The following DIDO1 variants were observed in gnomAD, a reference collection of about 807,000 sequenced individuals.
DIDO1 encodes death inducer-obliterator 1, also known as death-inducer obliterator 1.
In DIDO1, 16 loss-of-function variants were observed where a neutral mutation model predicts 99.4. The ratio of observed to expected loss-of-function variants is 0.16; its 90% CI spans 0.11 to 0.24. The LOEUF (loss-of-function observed/expected upper bound fraction) is 0.24. DIDO1 is among the 10% of genes least tolerant of loss of function. DIDO1 has a pLI of 1.00. For synonymous variants in DIDO1, 1,366 were observed against 1,239.1 expected (o/e 1.10, Z -2.15); for missense variants, 2,996 against 3,014.0 (o/e 0.99, Z 0.14).
chr20:62,906,490 C>A (rs2064807867), intron 5 of DIDO1, among the ~76,000 whole-genome samples: 1 of 152,210 alleles, frequency 6.6e-6, no homozygotes. Context: ...GCGCGCGAGG[C>A]TGTGCCCAAC....
At chr20:62,919,313 TG>T (rs1317143881) in intron 1 of DIDO1, among the ~76,000 whole-genome samples, 1 of 152,078 alleles carries the variant, frequency 6.6e-6, no homozygotes, top group Non-Finnish European at 1.5e-5. Context: ...CTGAGGCAGG[TG>T]GATCACCTGA....
chr20:62,897,539 C>T (rs1477261956), intron 6 of DIDO1, among the ~76,000 whole-genome samples: 3 of 152,190 alleles, frequency 2.0e-5, no homozygotes, highest in African/African-American at 7.2e-5. Context: ...CTGGCATACA[C>T]CTGAACCACA....
chr20:62,890,625 C>A lies in DIDO1; in HGVS notation c.3541+335G>T, dbSNP rs138237709. On this transcript the variant is annotated intron_variant, in intron 15 of 15. Coordinates refer to ENST00000395343, the MANE Select transcript of DIDO1 (RefSeq NM_001193369.2). ...AGTCTGTCTAGAGGAAAGAGCAGGG[C>A]CGCTGGGAGTGTCACCTCCCTTTCT... The A allele has an allele frequency of 1.0e-4, 119 of 1,188,230 alleles. 1 individual carries two copies. The African/African-American group carries it at 1.7e-3, about 17-fold the overall frequency. The allele number at this position is 1,188,230 out of a possible 1,614,324, so 73.6% of individuals were successfully genotyped here.
At chr20:62,883,159 G>C (rs1388026547) in intron 15 of DIDO1, among the ~76,000 whole-genome samples, 1 of 151,606 alleles carries the variant, frequency 6.6e-6, no homozygotes, top group African/African-American at 2.4e-5. Context: ...CCTGACCTCA[G>C]GTGATCCACC....
intron 2 of DIDO1, 108 bp downstream of exon 2, chr20:62,914,102 G>A (rs1398282637): frequency 2.0e-5 from 3 of 152,238 alleles, no homozygotes; most frequent in East Asian, 1.9e-4. Context: ...AAATGAATAC[G>A]AATACTACAT....
intron 15 of DIDO1, among the ~76,000 whole-genome samples, chr20:62,884,544 G>A (rs562640225): frequency 1.3e-5 from 2 of 152,370 alleles, no homozygotes; most frequent in East Asian, 3.9e-4. Context: ...TTCAGGTGAT[G>A]TTAAAGATCA....
chr20:62,896,759 G>A lies in DIDO1; in HGVS notation c.1826C>T (p.Ser609Leu). 1 of 1,613,528 alleles carries A rather than the reference G, an allele frequency of 6.2e-7. No homozygotes were observed. The highest frequency in any genetic ancestry group is 8.5e-7 in the Non-Finnish European group (1 of 1,179,578). ...WLSATPSSGA[S>L]AARQAGPAPA... is the part of the protein sequence containing the mutation. ...TGCCGGTCCGGCCTGCCTGGCAGCT[G>A]AAGCACCACTCGATGGGGTAGCGGA... The change falls in exon 7 of 16, where the codon TCA becomes TTA. Residue 609 changes from serine to leucine, a missense_variant. By Grantham distance (145) the Ser-to-Leu change is moderately radical. This residue lies in a region of DIDO1 where 898 missense variants were observed against 972.7 expected (regional missense o/e 0.92). Transcript: ENST00000395343. This position sits in a 1 kb window ranked among gnomAD's most constrained non-coding sequence, Gnocchi z 4.4.
chr20:62,927,523 TG>T (rs960058744), upstream of DIDO1, among the ~76,000 whole-genome samples: 6 of 151,258 alleles, frequency 4.0e-5, no homozygotes, highest in South Asian at 2.1e-4. Flanking sequence ...GGCAGGGACC[TG>T]GGGGGGGTGG....
Position 62,882,083 on chromosome 20 carries a change from T to C in DIDO1, c.3873A>G (p.Thr1291=), listed in dbSNP as rs199561380. ...CTGCCGTGGAGGCTGCCGCTGCTGT[T>C]GTGGCTGCTGTGGCTGGGCTGGGGG... is the stretch of plus-strand genomic sequence containing the variant. ...PAAPSPATAA[T]TAAAASTAAS... is the part of the protein sequence containing the mutation. Residue 1291 remains threonine (T), a synonymous_variant, in exon 16 of 16, where the codon ACA becomes ACG. Transcript: ENST00000395343. 7 of 1,600,866 alleles carry C rather than the reference T, an allele frequency of 4.4e-6. No individual in the cohort carries two copies. The highest frequency in any genetic ancestry group is 6.0e-6 in the Non-Finnish European group (7 of 1,171,606).
rs1347616018 is a variant in DIDO1, at chr20:62,879,967, G to A, written c.5989C>T (p.Pro1997Ser). 2 of 1,609,536 alleles carry A rather than the reference G, an allele frequency of 1.2e-6. No homozygotes were observed. The highest frequency in any genetic ancestry group is 1.1e-5 in the South Asian group (1 of 90,904). ...LQFGGLRGSA[P>S]FSEKNEQTPS... ...GTCTGCTCATTTTTTTCAGAAAAGG[G>A]TGCGGACCCCCGTAGTCCACCAAAC... Residue 1997 changes from proline to serine, a missense_variant, in exon 16 of 16, where the codon CCC becomes TCC. By Grantham distance (74) the Pro-to-Ser change is moderately conservative. This residue lies in a region of DIDO1 where 1,562 missense variants were observed against 1,412.6 expected (regional missense o/e 1.11). Transcript: ENST00000395343. The surrounding 1 kb of genome is among the most constrained non-coding windows in gnomAD (Gnocchi z 6.3).
rs748982027 is a variant in DIDO1, at chr20:62,891,103, T to G, written c.3398A>C (p.Tyr1133Ser). 1.9e-6 allele frequency: 3 copies of G among 1,614,108 alleles called. No homozygotes were observed. Among genetic ancestry groups the G allele is most frequent in the Non-Finnish European group, 2.5e-6 (3 of 1,180,030 alleles). Residue 1133 changes from tyrosine to serine, a missense_variant, in exon 15 of 16, where the codon TAT becomes TCT. Transcript: ENST00000395343. ...GCTGAAATAGGAGTAGAGAGAGATA[T>G]AGGCGACCTCCTCTTCCTCTGTGGC... The part of the protein sequence containing the change: ...HPATEEEEVA[Y>S]ISLYSYFSSR...
intron 1 of DIDO1, among the ~76,000 whole-genome samples, chr20:62,919,489 G>A (rs2065096470): frequency 6.6e-6 from 1 of 151,950 alleles, no homozygotes; most frequent in Admixed American, 6.6e-5. Flanking sequence ...GCAGTGAGCT[G>A]AGATCGTGCC....
intron 1 of DIDO1, among the ~76,000 whole-genome samples, chr20:62,918,656 C>T (rs1359970702): frequency 6.6e-6 from 1 of 152,174 alleles, no homozygotes; most frequent in Non-Finnish European, 1.5e-5. Flanking sequence ...CCTCACATTC[C>T]CCTGAAACAA....
intron 6 of DIDO1, among the ~76,000 whole-genome samples, chr20:62,901,377 C>T (rs6011459): frequency 0.23 from 34,914 of 152,116 alleles, 4,291 homozygotes; most frequent in East Asian, 0.33. Context: ...GACAGATGGA[C>T]GTTCCACTCA....
chr20:62,926,036 G>A (rs963778897), intron 1 of DIDO1, among the ~76,000 whole-genome samples: 30 of 152,106 alleles, frequency 2.0e-4, no homozygotes, highest in Non-Finnish European at 2.1e-4. Flanking sequence ...AACCAGCTGC[G>A]CTTACAAGCC....
At chr20:62,892,676 C>T (rs901104671) in intron 13 of DIDO1, 133 bp downstream of exon 13, 17 of 1,229,960 alleles carry the variant, frequency 1.4e-5, no homozygotes, top group Admixed American at 5.4e-5. Context: ...TCCAGACAGA[C>T]GGTTGCAAGA....
At chr20:62,890,472 TGCA>T in intron 15 of DIDO1, 33 of 993,136 alleles carry the variant, frequency 3.3e-5, no homozygotes, top group Non-Finnish European at 4.0e-5. Context: ...CAATTTGAGC[TGCA>T]GATTTTAAAA....
intron 5 of DIDO1, 87 bp from the exon 6 acceptor site, chr20:62,906,187 C>G: frequency 6.6e-7 from 1 of 1,506,360 alleles, no homozygotes; most frequent in Non-Finnish European, 8.9e-7. Context: ...GGCGGGGACC[C>G]AATGTCTTCC....
At chr20:62,936,577 C>A (rs6010792) in intron 1 of DIDO1, among the ~76,000 whole-genome samples, 34,775 of 143,654 alleles carry the variant, frequency 0.24, 4,245 homozygotes, top group Middle Eastern at 0.37. Context: ...AAAATAAAAT[C>A]AAAATAGGCC....
Sources: allele counts gnomAD v4.1 joint callset (sites outside exome capture counted in the v4.1 genomes callset), GRCh38; gene constraint gnomAD v4.1.1; regional missense constraint gnomAD v4.1.1; non-coding constraint Gnocchi (gnomAD v3.1); transcripts MANE v1.5; gene names NCBI Gene and HGNC (gene_info 2026-07-23, HGNC 2026-07-21).